Variants in RADIL observed in about 807,000 individuals in gnomAD.
The protein encoded by RADIL is ras-associating and dilute domain-containing protein.
Under a neutral mutation model 97.6 loss-of-function variants are expected in RADIL, and 99 were observed. The ratio of observed to expected loss-of-function variants is 1.01; its 90% CI spans 0.86 to 1.20. The LOEUF is 1.20. RADIL is among the 50% of genes most tolerant of loss of function. The probability of loss-of-function intolerance (pLI) is 0.00; values close to 1 mark genes in which losing one functional copy is unlikely to be tolerated. For missense variants in RADIL, 1,765 were observed against 1,498.9 expected, an observed-to-expected ratio of 1.18 and a Z score of -2.93; for synonymous variants, 803 against 691.8, an observed-to-expected ratio of 1.16 and a Z score of -2.52.
Position 4,799,660 on chromosome 7 carries a change from C to T in RADIL, c.3092G>A (p.Gly1031Asp), listed in dbSNP as rs1281977425. The change falls in exon 14 of 15, where the codon GGC becomes GAC. Residue 1031 changes from glycine (G) to aspartate (D), a missense_variant. Gly to Asp is a moderately conservative substitution (Grantham distance 94). Transcript: ENST00000399583. The part of the protein sequence containing the change: ...SLGDRILEVN[G>D]SSLLGLGYLR... Reference sequence around the variant, plus strand: ...GTAGCCAAGGCCCAGGAGGCTGCTGCCATTCACCTCCAGGATACGGTCCCC... The same window carrying T: ...GTAGCCAAGGCCCAGGAGGCTGCTGTCATTCACCTCCAGGATACGGTCCCC... 1 of 1,598,648 alleles carries T rather than the reference C, an allele frequency of 6.3e-7. No individual in the cohort carries two copies. The highest frequency in any genetic ancestry group is 8.5e-7 in the Non-Finnish European group (1 of 1,173,714).
In RADIL at chr7:4,826,119, G is replaced by T. The variant is rs191721155; in HGVS notation, c.1455-3565C>A. Among the ~76,000 whole-genome samples the T allele has an allele frequency of 2.9e-3, 439 of 151,218 alleles. 20 individuals are homozygous for T. The East Asian group carries it at 0.072, about 25-fold the overall frequency. ...GCTACTCGGGAGGCTGAGGCAGGGG[G>T]ATCACTTGAGCCCAGGAGGTTGAGG... On this transcript the variant is annotated intron_variant, in intron 5 of 14. Transcript: ENST00000399583.
At chr7:4,839,600 ATAT>A (rs1235007728) in intron 2 of RADIL, among the ~76,000 whole-genome samples, 1 of 152,200 alleles carries the variant, frequency 6.6e-6, no homozygotes, top group African/African-American at 2.4e-5. Context: ...TATGATAAAT[ATAT>A]TATCATAACT....
Position 4,835,133 on chromosome 7 carries a change from T to A in RADIL, c.890A>T (p.His297Leu). Residue 297 changes from histidine to leucine, a missense_variant, in exon 4 of 15, where the codon CAC (histidine) becomes CTC (leucine). Physicochemically the swap from His to Leu is moderately conservative, Grantham distance 99. Transcript: ENST00000399583. This position sits in a 1 kb window ranked among gnomAD's most constrained non-coding sequence, Gnocchi z 5.8. Reference protein sequence around the residue: ...SLSAPDILPLHCTIRRQPLPD... With the variant: ...SLSAPDILPLLCTIRRQPLPD... ...GAGCGGTTGCCGGCGGATGGTGCAG[T>A]GTAGAGGCAGGATGTCGGGGGCTGA... The A allele has an allele frequency of 6.2e-7, 1 of 1,609,954 alleles. No individual in the cohort carries two copies. The highest frequency in any genetic ancestry group is 1.1e-5 in the South Asian group (1 of 90,668).
At chr7:4,852,485 G>C (rs1198442552) in intron 2 of RADIL, among the ~76,000 whole-genome samples, 1 of 152,174 alleles carries the variant, frequency 6.6e-6, no homozygotes. Flanking sequence ...GTCTAGCTCT[G>C]TTGCCCAGGC....
chr7:4,861,840 C>T (rs1444290390), intron 2 of RADIL: 9 of 1,405,616 alleles, frequency 6.4e-6, no homozygotes, highest in Non-Finnish European at 8.4e-6. Context: ...CAGGGCACGT[C>T]CCCCACCACC....
intron 2 of RADIL, among the ~76,000 whole-genome samples, chr7:4,841,892 C>CA (rs1313947475): frequency 6.6e-6 from 1 of 152,062 alleles, no homozygotes; most frequent in Non-Finnish European, 1.5e-5. Context: ...CAAGTCTCTA[C>CA]AAAAAATACA....
chr7:4,846,221 A>ACTGCAACCTCCGACTCC (rs1439149942), intron 2 of RADIL, among the ~76,000 whole-genome samples: 1 of 147,768 alleles, frequency 6.8e-6, no homozygotes, highest in East Asian at 2.0e-4. Flanking sequence ...CCTCCGACTC[A>ACTGCAACCTCCGACTCC]CTGCAACCTC....
At chr7:4,860,579 A>C (rs1783961686) in intron 2 of RADIL, 2 of 1,614,034 alleles carry the variant, frequency 1.2e-6, no homozygotes, top group African/African-American at 2.7e-5. Context: ...CAGTGTAATA[A>C]ATTCATTCTT....
intron 9 of RADIL, among the ~76,000 whole-genome samples, chr7:4,811,636 C>T (rs1001936162): frequency 2.6e-5 from 4 of 151,198 alleles, no homozygotes; most frequent in South Asian, 4.2e-4. Context: ...TACAGGCGCC[C>T]GCCACCGTGC....
rs1324800837 is a variant in RADIL, at chr7:4,837,120, G to A, written c.536-515C>T. ...AACCAGACAGTGCCTTGGCACCACC[G>A]TGGCACCCACAGAACAGTCTCAGAG... On this transcript the variant is annotated intron_variant, in intron 2 of 14. Coordinates refer to ENST00000399583, the MANE Select transcript of RADIL (RefSeq NM_018059.5). The surrounding 1 kb of genome is among the most constrained non-coding windows in gnomAD (Gnocchi z 5.6). Among the ~76,000 whole-genome samples, 2 of 152,148 alleles carry A rather than the reference G, an allele frequency of 1.3e-5. No individual in the cohort carries two copies. Among genetic ancestry groups the A allele is most frequent in the Non-Finnish European group, 2.9e-5 (2 of 68,012 alleles).
intron 2 of RADIL, among the ~76,000 whole-genome samples, chr7:4,855,274 G>A (rs896685745): frequency 4.6e-5 from 7 of 152,022 alleles, no homozygotes; most frequent in African/African-American, 1.2e-4. Flanking sequence ...CTACCACCAC[G>A]AGAAATACCA....
In RADIL at chr7:4,849,892, GT is replaced by G. The variant is rs1331105191; in HGVS notation, c.536-13288del. 6.6e-6 allele frequency among the ~76,000 whole-genome samples: 1 copy of G among 152,086 alleles called. No individual in the cohort carries two copies. The highest frequency in any genetic ancestry group is 2.4e-5 in the African/African-American group (1 of 41,398). ...ATCCTAGGTAATAAGAAAGTATTAT[GT>G]CCTAGTTTAATTGTATTTTTTATGG... On this transcript the variant is annotated intron_variant, in intron 2 of 14. Coordinates refer to ENST00000399583, the MANE Select transcript of RADIL (RefSeq NM_018059.5). The surrounding 1 kb of genome is among the most constrained non-coding windows in gnomAD (Gnocchi z 5.4).
chr7:4,804,053 G>A, intron 10 of RADIL: 3 of 443,120 alleles, frequency 6.8e-6, no homozygotes, highest in Non-Finnish European at 1.3e-5. Context: ...GCCTGTCTCT[G>A]CCCCACTGGT....
chr7:4,858,669 T>C (rs113586975), intron 2 of RADIL: 1 of 152,644 alleles, frequency 6.6e-6, no homozygotes, highest in South Asian at 2.1e-4. Flanking sequence ...ACTTCTCATA[T>C]GCAGTGATCA....
rs1052810378 is a variant in RADIL, at chr7:4,842,669, T to C, written c.536-6064A>G. 2.6e-5 allele frequency among the ~76,000 whole-genome samples: 4 copies of C among 152,182 alleles called. No individual in the cohort carries two copies. The highest frequency in any genetic ancestry group is 9.6e-5 in the African/African-American group (4 of 41,460). On this transcript the variant is annotated intron_variant, in intron 2 of 14. Transcript: ENST00000399583. This position sits in a 1 kb window ranked among gnomAD's most constrained non-coding sequence, Gnocchi z 4.5. ...GCCGGCAGCTTTCGCCTCCTGATCC[T>C]GTTTTCTCTTCCCTCCCTGGCTCTT...
In RADIL at chr7:4,813,611, G is replaced by A. The variant is rs991888423; in HGVS notation, c.2139+1667C>T. The stretch of plus-strand genomic sequence containing the variant: ...AAGCCTAGATTCTCAGCCTCACACC[G>A]TCACCTGCTCCCAGGACAGCAAATG... On this transcript the variant is annotated intron_variant, in intron 9 of 14. Coordinates refer to ENST00000399583, the MANE Select transcript of RADIL (RefSeq NM_018059.5). This position sits in a 1 kb window ranked among gnomAD's most constrained non-coding sequence, Gnocchi z 5.0. Among the ~76,000 whole-genome samples the A allele has an allele frequency of 4.6e-5, 7 of 152,178 alleles. No homozygotes were observed. Among genetic ancestry groups the A allele is most frequent in the Non-Finnish European group, 8.8e-5 (6 of 68,032 alleles).
rs542535712 is a variant in RADIL, at chr7:4,817,241, T to C, written c.1726A>G (p.Lys576Glu). 2 of 1,610,878 alleles carry C rather than the reference T, an allele frequency of 1.2e-6. No individual in the cohort carries two copies. Among genetic ancestry groups the C allele is most frequent in the East Asian group, 4.5e-5 (2 of 44,786 alleles). ...AFQQCVYYVS[K>E]SLYICLPALL... ...AGAAGCAGAGCCCGTCCGTGCACCT[T>C]GGAGACATAGTAGACGCACTGCTGG... The change falls in exon 7 of 15, where the codon AAG becomes GAG. Residue 576 changes from lysine (K) to glutamate (E), a missense_variant and splice_region_variant. Lys to Glu is a moderately conservative substitution (Grantham distance 56). Coordinates refer to ENST00000399583, the MANE Select transcript of RADIL (RefSeq NM_018059.5). This position sits in a 1 kb window ranked among gnomAD's most constrained non-coding sequence, Gnocchi z 8.3.
rs545438426 is a variant in RADIL, at chr7:4,815,499, G to A, written c.1967-49C>T. 2 of 1,446,142 alleles carry A rather than the reference G, an allele frequency of 1.4e-6. No individual in the cohort carries two copies. Among genetic ancestry groups the A allele is most frequent in the African/African-American group, 1.4e-5 (1 of 70,352 alleles). 89.6% of individuals were successfully genotyped at this position (1,446,142 alleles called of 1,614,324 possible). A position where few individuals can be genotyped will look rare whatever the true frequency, so the allele number is the denominator to read the frequency against. ...GATGCCTGGGCTGCCCTCCTGGGGG[G>A]ACACAGACATGGGCCTGTCCCCAGA... On this transcript the variant is annotated intron_variant, in intron 8 of 14. Transcript: ENST00000399583. The surrounding 1 kb of genome is among the most constrained non-coding windows in gnomAD (Gnocchi z 8.0).
intron 9 of RADIL, among the ~76,000 whole-genome samples, chr7:4,810,486 G>A (rs1782509468): frequency 6.6e-6 from 1 of 152,204 alleles, no homozygotes; most frequent in Non-Finnish European, 1.5e-5. Context: ...AGTTTGCTCA[G>A]TCACGTTGCT....
Sources: gnomAD v4.1 joint callset for allele counts (sites outside exome capture counted in the v4.1 genomes callset) on GRCh38, gnomAD v4.1.1 for gene constraint, Gnocchi (gnomAD v3.1) non-coding constraint, MANE v1.5 for transcripts, NCBI Gene and HGNC (gene_info 2026-07-23, HGNC 2026-07-21) for gene names.